Variants in IFT25 observed in about 807,000 individuals in gnomAD.
IFT25 encodes the protein intraflagellar transport 25, also known as intraflagellar transport protein 25 homolog.
the IFT25 span, chr1:53,923,746 G>A: frequency 1.7e-6 from 1 of 585,204 alleles, no homozygotes; most frequent in South Asian, 2.2e-5. Context: ...TGTACATTTA[G>A]CTTATATTAT....
chr1:53,937,202 C>T, the IFT25 span, among the ~76,000 whole-genome samples: 1 of 152,180 alleles, frequency 6.6e-6, no homozygotes. Context: ...ACTGAACTTC[C>T]ACCTCCTGGG....
At chr1:53,913,028 G>A in the IFT25 span, among the ~76,000 whole-genome samples, 1 of 152,172 alleles carries the variant, frequency 6.6e-6, no homozygotes, top group South Asian at 2.1e-4. Flanking sequence ...TGAGCCAGCT[G>A]CTGTGAGTGT....
the IFT25 span, among the ~76,000 whole-genome samples, chr1:53,936,051 G>C: frequency 5.5e-4 from 84 of 151,748 alleles, no homozygotes; most frequent in Middle Eastern, 0.01. Flanking sequence ...TATGAGGCCA[G>C]GAGTTTGAAA....
the IFT25 span, among the ~76,000 whole-genome samples, chr1:53,942,940 G>A: frequency 1.2e-4 from 18 of 152,296 alleles, no homozygotes; most frequent in African/African-American, 3.4e-4. Flanking sequence ...ATTGTCAGGC[G>A]TGATATTGTT....
the IFT25 span, chr1:53,946,007 T>G: frequency 7.2e-6 from 1 of 138,028 alleles, no homozygotes; most frequent in East Asian, 2.2e-4. Context: ...CGGCCCCTCC[T>G]ACCCCTAGCT....
the IFT25 span, chr1:53,923,527 A>G: frequency 0.23 from 47,612 of 203,302 alleles, 10,704 homozygotes; most frequent in African/African-American, 0.67. Flanking sequence ...TATGAATCTC[A>G]CTTGTCCTTT....
the IFT25 span, among the ~76,000 whole-genome samples, chr1:53,920,850 C>T: frequency 1.2e-4 from 18 of 151,326 alleles, no homozygotes; most frequent in African/African-American, 4.4e-4. Flanking sequence ...GTGTTTCTAA[C>T]CCTTCTCTGA....
the IFT25 span, among the ~76,000 whole-genome samples, chr1:53,925,673 AAAAAG>A: frequency 1.6e-4 from 24 of 151,794 alleles, no homozygotes; most frequent in South Asian, 4.2e-4. Flanking sequence ...TCAAAAAAAA[AAAAAG>A]AAAAGAAAAA....
chr1:53,936,884 G>A, the IFT25 span, among the ~76,000 whole-genome samples: 2,612 of 151,614 alleles, frequency 0.017, 81 homozygotes, highest in African/African-American at 0.06. Flanking sequence ...TTTTAGAGAT[G>A]CGGTCTTGCT....
At chr1:53,941,442 T>C in the IFT25 span, among the ~76,000 whole-genome samples, 12 of 152,270 alleles carry the variant, frequency 7.9e-5, no homozygotes, top group Admixed American at 7.8e-4. Flanking sequence ...TTTATTAGCA[T>C]AAAGTTCACT....
the IFT25 span, chr1:53,923,961 G>A: frequency 6.4e-7 from 1 of 1,569,724 alleles, no homozygotes; most frequent in Non-Finnish European, 8.8e-7. Flanking sequence ...AAACATAAAT[G>A]TAACAGAAGA....
At chr1:53,921,079 G>T in the IFT25 span, among the ~76,000 whole-genome samples, 1 of 152,114 alleles carries the variant, frequency 6.6e-6, no homozygotes, top group Non-Finnish European at 1.5e-5. Context: ...AAGCTGAGGT[G>T]GGAGGATGGC....
chr1:53,919,890 A>G, the IFT25 span, among the ~76,000 whole-genome samples: 3 of 152,018 alleles, frequency 2.0e-5, no homozygotes, highest in Admixed American at 6.6e-5. Context: ...TCTGGGCTCA[A>G]GCAAACCTAC....
chr1:53,938,569 C>T, the IFT25 span, among the ~76,000 whole-genome samples: 1 of 152,162 alleles, frequency 6.6e-6, no homozygotes, highest in Admixed American at 6.5e-5. Context: ...ATCATAAAAC[C>T]TCTGTTACAA....
the IFT25 span, among the ~76,000 whole-genome samples, chr1:53,942,772 C>T: frequency 4.6e-5 from 7 of 152,246 alleles, no homozygotes; most frequent in African/African-American, 1.7e-4. Context: ...ATGAATAAAA[C>T]AACCTAAGTG....
chr1:53,941,282 C>T, the IFT25 span, among the ~76,000 whole-genome samples: 210 of 152,006 alleles, frequency 1.4e-3, 3 homozygotes, highest in African/African-American at 4.9e-3. Context: ...TGTGAGCCAC[C>T]GCGCCCGGCT....
At chr1:53,940,188 G>T in the IFT25 span, 1 of 666,460 alleles carries the variant, frequency 1.5e-6, no homozygotes, top group Non-Finnish European at 2.6e-6. Flanking sequence ...CTGTTGCCTA[G>T]CAGATGGTTT....
At chr1:53,916,680 T>G in the IFT25 span, 1 of 316,936 alleles carries the variant, frequency 3.2e-6, no homozygotes, top group Non-Finnish European at 5.7e-6. Context: ...TGAAAGCCTG[T>G]GATCTAGCCG....
At chr1:53,941,427 TTTTG>T in the IFT25 span, among the ~76,000 whole-genome samples, 8 of 152,336 alleles carry the variant, frequency 5.3e-5, no homozygotes, top group East Asian at 9.6e-4. Flanking sequence ...TCTTCTTAGT[TTTTG>T]TTTATTAGCA....
Sources: allele counts gnomAD v4.1 joint callset (sites outside exome capture counted in the v4.1 genomes callset), GRCh38; gene constraint gnomAD v4.1.1; transcripts MANE v1.5; gene names NCBI Gene and HGNC (gene_info 2026-07-23, HGNC 2026-07-21).